The following TMEM255A variants were observed in gnomAD, a reference collection of about 807,000 sequenced individuals.
TMEM255A encodes the protein transmembrane protein 255A.
TMEM255A carries 14 observed loss-of-function variants against 23.5 expected under a neutral mutation model. That is an observed-to-expected ratio of 0.60 (90% confidence interval 0.39 to 0.93). The LOEUF (loss-of-function observed/expected upper bound fraction) is 0.93. TMEM255A is among the 40% of genes least tolerant of loss of function. TMEM255A has a pLI of 0.00. For missense variants in TMEM255A, 233 were observed against 261.7 expected (o/e 0.89, Z 0.76); for synonymous variants, 104 against 100.3 (o/e 1.04, Z -0.22).
At chrX:120,255,558 G>A, downstream of TMEM255A, 1 of 634,293 alleles carries the variant, frequency 1.6e-6, no homozygotes, top group Non-Finnish European at 2.4e-6. Context: ...AGGAAGTGTA[G>A]TGGGATTTTT....
At chrX:120,305,525 G>A (rs1217918134) in intron 1 of TMEM255A, among the ~76,000 whole-genome samples, 1 of 110,696 alleles carries the variant, frequency 9.0e-6, no homozygotes, top group African/African-American at 3.3e-5. Flanking sequence ...TGATGGAGTC[G>A]CCCACCCACG....
rs181113380 is a variant in TMEM255A at position 120,291,188 on chromosome X, C to T, written c.354+63G>A. Reference sequence around the variant, plus strand: ...TAAGCAAAGGACTGAACATCGAGCACACATTCAGTGGGGCCTTGTTGTATT... The same window carrying T: ...TAAGCAAAGGACTGAACATCGAGCATACATTCAGTGGGGCCTTGTTGTATT... On this transcript the variant is annotated intron_variant, in intron 4 of 8. Coordinates refer to ENST00000371369, the MANE Select transcript of TMEM255A (RefSeq NM_001104544.3). 834 of 882,249 alleles carry T rather than the reference C, an allele frequency of 9.5e-4. 2 individuals are homozygous for T. Among genetic ancestry groups the T allele is most frequent in the Admixed American group, 2.2e-3 (89 of 40,862 alleles). 72.7% of individuals were successfully genotyped at this position (882,249 alleles called of 1,213,427 possible).
chrX:120,281,346 C>T (rs1055709674), intron 6 of TMEM255A, among the ~76,000 whole-genome samples: 4 of 111,878 alleles, frequency 3.6e-5, no homozygotes, highest in South Asian at 3.8e-4. Flanking sequence ...CCTAGAGAAA[C>T]GGATAAGTTC....
intron 7 of TMEM255A, among the ~76,000 whole-genome samples, chrX:120,271,629 G>A (rs1415279509): frequency 1.8e-5 from 2 of 108,467 alleles, no homozygotes; most frequent in Admixed American, 9.9e-5. Context: ...GGAAAGAGCA[G>A]TGTCTTCAAC....
At chrX:120,263,978 C>T (rs1252322271) in intron 8 of TMEM255A, among the ~76,000 whole-genome samples, 3 of 111,126 alleles carry the variant, frequency 2.7e-5, no homozygotes, top group African/African-American at 6.6e-5. Context: ...ACCTAGTGTA[C>T]CCTCGTGATT....
Position 120,260,693 on chromosome X carries a change from C to A in TMEM255A, c.*177G>T. 1.7e-6 allele frequency: 1 copy of A among 580,559 alleles called. No individual in the cohort carries two copies. The highest frequency in any genetic ancestry group is 2.5e-6 in the Non-Finnish European group (1 of 397,335). 47.8% of individuals were successfully genotyped at this position (580,559 alleles called of 1,213,427 possible). Reference sequence around the variant, plus strand: ...CCCTTCTGTGCTGCGTTCAGCCTGACCACCCCTGCTCTGCACTAATAATGA... The same window carrying A: ...CCCTTCTGTGCTGCGTTCAGCCTGAACACCCCTGCTCTGCACTAATAATGA... On this transcript the variant is annotated 3_prime_UTR_variant, in exon 9 of 9. Transcript: ENST00000371369.
At chrX:120,272,568 T>G (rs1313695588) in intron 7 of TMEM255A, among the ~76,000 whole-genome samples, 3 of 110,366 alleles carry the variant, frequency 2.7e-5, no homozygotes, top group African/African-American at 9.9e-5. Context: ...TCTGATGCTT[T>G]TATAAGGGGC....
downstream of TMEM255A, chrX:120,256,421 A>G (rs1232339655): frequency 5.7e-5 from 7 of 122,403 alleles, no homozygotes; most frequent in African/African-American, 2.3e-4. Flanking sequence ...AAATGTTCAT[A>G]TTGCGTAGAA....
intron 6 of TMEM255A, among the ~76,000 whole-genome samples, chrX:120,280,371 G>T (rs1167172957): frequency 3.6e-5 from 4 of 110,411 alleles, no homozygotes; most frequent in Non-Finnish European, 7.6e-5. Context: ...AATAATTTTA[G>T]ATAATATATA....
chrX:120,286,175 A>G (rs192283349), intron 5 of TMEM255A, among the ~76,000 whole-genome samples: 18 of 112,369 alleles, frequency 1.6e-4, no homozygotes, highest in African/African-American at 5.5e-4. Flanking sequence ...AGTATTTGCC[A>G]TGGTGCCTTT....
chrX:120,256,548 T>G (rs188734277), downstream of TMEM255A: 19 of 122,811 alleles, frequency 1.5e-4, no homozygotes, highest in Admixed American at 1.6e-3. Flanking sequence ...ATCTGCAAAT[T>G]GCTGCAATAT....
intron 3 of TMEM255A, among the ~76,000 whole-genome samples, chrX:120,292,225 G>T (rs1404642596): frequency 9.0e-6 from 1 of 111,445 alleles, no homozygotes; most frequent in Non-Finnish European, 1.9e-5. Flanking sequence ...TTAGATAACA[G>T]AAATTTTCCT....
rs1378614097 is a variant in TMEM255A, at chrX:120,259,374, G to A, written c.*1496C>T. On this transcript the variant is annotated 3_prime_UTR_variant, in exon 9 of 9. Coordinates refer to ENST00000371369, the MANE Select transcript of TMEM255A (RefSeq NM_001104544.3). ...ACTGAATATCTTGCAAACATTTACT[G>A]TTAATGAGAGAGTGCACTTCTTGTG... 4 of 112,045 alleles carry A rather than the reference G, an allele frequency of 3.6e-5. No homozygotes were observed. Among genetic ancestry groups the A allele is most frequent in the Non-Finnish European group, 7.5e-5 (4 of 53,229 alleles). The allele number at this position is 112,045 out of a possible 1,213,427, so 9.2% of individuals were successfully genotyped here.
intron 6 of TMEM255A, among the ~76,000 whole-genome samples, chrX:120,280,380 T>C (rs529718924): frequency 9.2e-6 from 1 of 108,134 alleles, no homozygotes; most frequent in African/African-American, 3.3e-5. Flanking sequence ...AGATAATATA[T>C]ACTTGGTTTC....
chrX:120,254,634 A>G (rs115462363), downstream of TMEM255A: 261 of 1,210,488 alleles, frequency 2.2e-4, no homozygotes, highest in African/African-American at 3.8e-3. Context: ...CGTAGGATCA[A>G]AACATCTAAT....
chrX:120,288,723 G>A (rs1277605839), intron 4 of TMEM255A, among the ~76,000 whole-genome samples: 11 of 112,356 alleles, frequency 9.8e-5, no homozygotes, highest in Admixed American at 1.9e-4. Context: ...GGCATGAAGG[G>A]GTAGAAAAGG....
chrX:120,297,051 AAT>A (rs1379304140), intron 2 of TMEM255A, among the ~76,000 whole-genome samples: 12 of 5,847 alleles, frequency 2.1e-3, no homozygotes, highest in African/African-American at 0.016. Flanking sequence ...TATATAATAT[AAT>A]ATATATAATA....
chrX:120,304,624 G>A (rs782736120), intron 1 of TMEM255A, 133 bp from the exon 2 acceptor site: 15 of 611,750 alleles, frequency 2.5e-5, no homozygotes, highest in African/African-American at 4.6e-5. Context: ...GGTGACGGGT[G>A]GGGGGTTGTG....
In TMEM255A at chrX:120,311,416, C is replaced by A. The variant is rs782702628; in HGVS notation, c.-107G>T. On this transcript the variant is annotated 5_prime_UTR_variant, in exon 1 of 9. Transcript: ENST00000371369. ...CCGCGGTTGCCTCTCTCGGTCCTTCCGAGAGCTGAGAGACACTGCCTCTGG... is the reference window on the plus strand; with the variant it reads ...CCGCGGTTGCCTCTCTCGGTCCTTCAGAGAGCTGAGAGACACTGCCTCTGG... The A allele has an allele frequency of 7.6e-4, 497 of 652,755 alleles. 2 individuals carry two copies. In the African/African-American group the frequency reaches 9.4e-3, roughly 12 times the overall value. The allele number at this position is 652,755 out of a possible 1,213,427, so 53.8% of individuals were successfully genotyped here. A position where few individuals can be genotyped will look rare whatever the true frequency, so the allele number is the denominator to read the frequency against.
Sources: gnomAD v4.1 joint callset for allele counts (sites outside exome capture counted in the v4.1 genomes callset) on GRCh38, gnomAD v4.1.1 for gene constraint, MANE v1.5 for transcripts, NCBI Gene and HGNC (gene_info 2026-07-23, HGNC 2026-07-21) for gene names.